The following GGACT variants were observed in gnomAD, a reference collection of about 807,000 sequenced individuals.
GGACT encodes the protein gamma-glutamylaminecyclotransferase.
For synonymous variants in GGACT, 118 were observed against 115.3 expected (o/e 1.02, Z -0.15); for missense variants, 241 against 233.2 (o/e 1.03, Z -0.22).
chr13:100,581,382 C>T (rs368065358), intron 2 of GGACT, among the ~76,000 whole-genome samples: 2 of 152,170 alleles, frequency 1.3e-5, no homozygotes, highest in East Asian at 1.9e-4. Flanking sequence ...AACAAACCCA[C>T]CAGCCCACAA....
chr13:100,553,502 G>A (rs1594189589), intron 2 of GGACT, among the ~76,000 whole-genome samples: 1 of 152,188 alleles, frequency 6.6e-6, no homozygotes, highest in Non-Finnish European at 1.5e-5. Flanking sequence ...AGCACCACCT[G>A]AGAGCGGCCA....
chr13:100,544,749 A>G (rs1413754053), intron 2 of GGACT, among the ~76,000 whole-genome samples: 2 of 152,216 alleles, frequency 1.3e-5, no homozygotes, highest in East Asian at 1.9e-4. Flanking sequence ...TTTTCATGCC[A>G]TATCACTTTA....
At chr13:100,565,005 G>T (rs2088798726) in intron 2 of GGACT, among the ~76,000 whole-genome samples, 1 of 152,204 alleles carries the variant, frequency 6.6e-6, no homozygotes, top group Non-Finnish European at 1.5e-5. Flanking sequence ...CAAGCACAAT[G>T]ATGCAAGGAA....
At chr13:100,575,482 T>C (rs1362975506) in intron 2 of GGACT, among the ~76,000 whole-genome samples, 2 of 152,176 alleles carry the variant, frequency 1.3e-5, no homozygotes, top group Admixed American at 1.3e-4. Flanking sequence ...CACCATGTTT[T>C]AATAAGGAAA....
At chr13:100,556,816 A>G (rs981983283) in intron 2 of GGACT, among the ~76,000 whole-genome samples, 5 of 152,172 alleles carry the variant, frequency 3.3e-5, no homozygotes, top group Non-Finnish European at 7.4e-5. Flanking sequence ...AAAAAATAAA[A>G]CTTATATAAA....
At chr13:100,577,347 C>T (rs1875277125) in intron 2 of GGACT, among the ~76,000 whole-genome samples, 1 of 151,412 alleles carries the variant, frequency 6.6e-6, no homozygotes. Context: ...ACCCAAGAGG[C>T]AGAGGTTGCA....
At chr13:100,583,155 C>T (rs2153017452) in intron 2 of GGACT, among the ~76,000 whole-genome samples, 1 of 152,234 alleles carries the variant, frequency 6.6e-6, no homozygotes, top group East Asian at 1.9e-4. Flanking sequence ...GGAAATACTC[C>T]CCCTTCAATA....
chr13:100,530,292 CCA>C lies in GGACT; in HGVS notation c.*1836_*1837del, dbSNP rs2088310964. 5 of 801,324 alleles carry C rather than the reference CCA, an allele frequency of 6.2e-6. No homozygotes were observed. The highest frequency in any genetic ancestry group is 2.6e-5 in the East Asian group (1 of 38,148). 49.6% of individuals were successfully genotyped at this position (801,324 alleles called of 1,614,324 possible). ...AGCTACGTTTACGTCGTCATTTATTCCACAGAGTCAAGACCAATATTCTGCCA... is the reference window on the plus strand; with the variant it reads ...AGCTACGTTTACGTCGTCATTTATTCCAGAGTCAAGACCAATATTCTGCCA... On this transcript the variant is annotated 3_prime_UTR_variant, in exon 3 of 3. Coordinates refer to ENST00000683975, the MANE Select transcript of GGACT (RefSeq NM_001195087.2).
At chr13:100,549,768 G>C (rs960570025) in intron 2 of GGACT, among the ~76,000 whole-genome samples, 18 of 152,336 alleles carry the variant, frequency 1.2e-4, no homozygotes, top group Admixed American at 3.9e-4. Flanking sequence ...AGAAAGGAAA[G>C]CAACTCTAGA....
chr13:100,546,789 G>A (rs1262944942), intron 2 of GGACT, among the ~76,000 whole-genome samples: 5 of 152,244 alleles, frequency 3.3e-5, no homozygotes, highest in Admixed American at 6.5e-5. Context: ...AAGGGCTGCC[G>A]CCTCTTCTAG....
intron 2 of GGACT, chr13:100,541,621 C>T (rs191761415): frequency 6.6e-6 from 1 of 152,346 alleles, no homozygotes; most frequent in Admixed American, 6.5e-5. Flanking sequence ...GAGAGGGCAT[C>T]AGGCATATCG....
At chr13:100,581,364 C>A (rs1229484838) in intron 2 of GGACT, among the ~76,000 whole-genome samples, 2 of 152,006 alleles carry the variant, frequency 1.3e-5, no homozygotes, top group Non-Finnish European at 2.9e-5. Flanking sequence ...AGGAAGTGCT[C>A]AAAAATAAAC....
At chr13:100,587,941 G>A (rs981794436) in intron 1 of GGACT, among the ~76,000 whole-genome samples, 1 of 152,158 alleles carries the variant, frequency 6.6e-6, no homozygotes, top group Non-Finnish European at 1.5e-5. Context: ...CAGGAGAATC[G>A]CTTGAACCCG....
chr13:100,585,822 CAAA>C (rs550006144), intron 1 of GGACT, among the ~76,000 whole-genome samples: 20 of 29,528 alleles, frequency 6.8e-4, no homozygotes, highest in African/African-American at 1.6e-3. Context: ...CTGTCTCCAC[CAAA>C]AAAAAAAAAA....
At chr13:100,555,013 T>C (rs554520348) in intron 2 of GGACT, among the ~76,000 whole-genome samples, 7 of 152,326 alleles carry the variant, frequency 4.6e-5, no homozygotes, top group Non-Finnish European at 5.9e-5. Flanking sequence ...AAGAAGTAGA[T>C]AACCTGCAAA....
chr13:100,576,998 ACT>A (rs1391778156), intron 2 of GGACT, among the ~76,000 whole-genome samples: 4 of 152,262 alleles, frequency 2.6e-5, no homozygotes, highest in African/African-American at 9.6e-5. Flanking sequence ...GAATAAGAAC[ACT>A]CTGAATCAAA....
chr13:100,564,824 G>A (rs796845629), intron 2 of GGACT, among the ~76,000 whole-genome samples: 4 of 152,312 alleles, frequency 2.6e-5, no homozygotes, highest in African/African-American at 9.6e-5. Flanking sequence ...CCCCGGGCAG[G>A]GGGCGGGGGG....
At chr13:100,580,871 A>C (rs1875394874) in intron 2 of GGACT, among the ~76,000 whole-genome samples, 1 of 152,206 alleles carries the variant, frequency 6.6e-6, no homozygotes, top group African/African-American at 2.4e-5. Context: ...ATATTCATAA[A>C]AACCGGGCTC....
chr13:100,583,566 G>A (rs1875479543), intron 2 of GGACT, among the ~76,000 whole-genome samples: 1 of 152,064 alleles, frequency 6.6e-6, no homozygotes, highest in African/African-American at 2.4e-5. Flanking sequence ...CTGTTGCCCA[G>A]GCTGGAGCAC....
Sources: allele counts gnomAD v4.1 joint callset (sites outside exome capture counted in the v4.1 genomes callset), GRCh38; gene constraint gnomAD v4.1.1; transcripts MANE v1.5; gene names NCBI Gene and HGNC (gene_info 2026-07-23, HGNC 2026-07-21).